MAP3K14: variants seen among roughly 807,000 people sequenced by gnomAD.
MAP3K14 encodes NF-kappa-beta-inducing kinase.
MAP3K14 carries 16 observed loss-of-function variants against 99.2 expected under a neutral mutation model. The observed-to-expected ratio is 0.16, with a 90% confidence interval of 0.11 to 0.24. MAP3K14 has a LOEUF of 0.24. Ranked by LOEUF, MAP3K14 falls within the 10% of genes least tolerant of loss-of-function variation. The probability of loss-of-function intolerance (pLI) is 1.00; values close to 1 mark genes in which losing one functional copy is unlikely to be tolerated. For missense variants in MAP3K14, 784 were observed against 1,208.7 expected (o/e 0.65, Z 5.21); for synonymous variants, 462 against 492.4 (o/e 0.94, Z 0.82).
intron 6 of MAP3K14, among the ~76,000 whole-genome samples, chr17:45,278,691 T>C (rs2044197656): frequency 6.6e-6 from 1 of 151,894 alleles, no homozygotes. Flanking sequence ...TTTTTTTTTT[T>C]TTTTTGAGAC....
intron 1 of MAP3K14, among the ~76,000 whole-genome samples, chr17:45,312,677 G>A (rs763643232): frequency 1.3e-5 from 2 of 152,148 alleles, no homozygotes. Flanking sequence ...AAGTAGCTGG[G>A]ACTAAAGAAA....
chr17:45,289,340 A>T (rs748048138), intron 2 of MAP3K14, 35 bp from the exon 3 acceptor site: 1 of 1,563,104 alleles, frequency 6.4e-7, no homozygotes, highest in East Asian at 2.2e-5. Context: ...CAGAGAGGAG[A>T]AAAAATAGGA....
intron 1 of MAP3K14, among the ~76,000 whole-genome samples, chr17:45,313,559 C>T (rs1011443763): frequency 1.3e-5 from 2 of 152,186 alleles, no homozygotes; most frequent in African/African-American, 2.4e-5. Context: ...GACCTGACAG[C>T]CTCAGCCACC....
chr17:45,284,835 C>T lies in MAP3K14; in HGVS notation c.1267G>A (p.Gly423Ser). 4 of 1,595,564 alleles carry T rather than the reference C, an allele frequency of 2.5e-6. No individual in the cohort carries two copies. The highest frequency in any genetic ancestry group is 3.4e-6 in the Non-Finnish European group (4 of 1,171,420). The change falls in exon 6 of 16, where the codon GGC becomes AGC. Residue 423 changes from glycine to serine, a missense_variant. Around this residue, in one of 5 missense-constraint regions of MAP3K14, gnomAD observed 200 missense variants for 367.9 expected, o/e 0.54. Coordinates refer to ENST00000344686, the MANE Select transcript of MAP3K14 (RefSeq NM_003954.5). ...EVHRMEDKQT[G>S]FQCAVKKVRL... ...ACCTTTTTGACAGCGCACTGGAAGC[C>T]AGTCTGCTTGTCCTCCATCCTGTGC...
chr17:45,309,980 A>G (rs1409444920), intron 1 of MAP3K14, among the ~76,000 whole-genome samples: 3 of 151,626 alleles, frequency 2.0e-5, no homozygotes, highest in Non-Finnish European at 4.4e-5. Context: ...GGCAGGACTC[A>G]AGGAGTCTGG....
intron 1 of MAP3K14, among the ~76,000 whole-genome samples, chr17:45,306,313 C>A (rs549835557): frequency 1.8e-4 from 26 of 148,082 alleles, no homozygotes; most frequent in Non-Finnish European, 3.2e-4. Flanking sequence ...ACTCTTCCTA[C>A]TCCCAAATGA....
intron 1 of MAP3K14, among the ~76,000 whole-genome samples, chr17:45,304,713 C>T (rs1476757755): frequency 6.6e-6 from 1 of 152,128 alleles, no homozygotes; most frequent in Admixed American, 6.5e-5. Flanking sequence ...CAGAAAGACC[C>T]TCAGAGGTAA....
intron 11 of MAP3K14, chr17:45,268,186 T>G (rs1370102074): frequency 6.1e-6 from 1 of 163,910 alleles, no homozygotes; most frequent in Non-Finnish European, 1.3e-5. Context: ...CAGGCACCGT[T>G]TGTTCTGGCA....
chr17:45,268,354 T>C (rs1433777936), intron 11 of MAP3K14: 2 of 152,244 alleles, frequency 1.3e-5, no homozygotes, highest in African/African-American at 2.4e-5. Context: ...TTATGTTTGA[T>C]GTGTCATTTT....
chr17:45,282,815 A>G (rs1219051052), intron 6 of MAP3K14, among the ~76,000 whole-genome samples: 1 of 152,150 alleles, frequency 6.6e-6, no homozygotes, highest in Non-Finnish European at 1.5e-5. Flanking sequence ...TAATCAGGGA[A>G]CTGTTTCTCC....
intron 10 of MAP3K14, 114 bp from the exon 11 acceptor site, chr17:45,270,677 A>G: frequency 7.3e-7 from 1 of 1,362,234 alleles, no homozygotes. Flanking sequence ...GCTGGGGTCT[A>G]CCACAAGGAA....
At chr17:45,269,101 C>T (rs886182978) in intron 11 of MAP3K14, among the ~76,000 whole-genome samples, 1 of 152,162 alleles carries the variant, frequency 6.6e-6, no homozygotes, top group Non-Finnish European at 1.5e-5. Flanking sequence ...ACTGCAGCCT[C>T]GACCTTCCAG....
chr17:45,312,797 A>G (rs1402665475), intron 1 of MAP3K14, among the ~76,000 whole-genome samples: 3 of 152,160 alleles, frequency 2.0e-5, no homozygotes, highest in Non-Finnish European at 4.4e-5. Context: ...TGACAAAGAC[A>G]TCTTTACGAG....
chr17:45,299,005 C>A (rs2044366583), intron 1 of MAP3K14, among the ~76,000 whole-genome samples: 1 of 152,074 alleles, frequency 6.6e-6, no homozygotes, highest in Non-Finnish European at 1.5e-5. Context: ...GAGGGGATGG[C>A]AAAAGGTAAG....
intron 1 of MAP3K14, among the ~76,000 whole-genome samples, chr17:45,296,508 C>T (rs1023722426): frequency 3.3e-5 from 5 of 151,584 alleles, no homozygotes; most frequent in Non-Finnish European, 7.4e-5. Flanking sequence ...AAGACCCCAT[C>T]TCAAAAGGAA....
intron 11 of MAP3K14, among the ~76,000 whole-genome samples, chr17:45,270,124 A>T (rs528272248): frequency 6.6e-6 from 1 of 152,306 alleles, no homozygotes; most frequent in Admixed American, 6.5e-5. Context: ...ATCCCCACAC[A>T]TGTGGTCACA....
intron 1 of MAP3K14, among the ~76,000 whole-genome samples, chr17:45,314,629 A>C (rs2044514465): frequency 6.6e-6 from 1 of 152,194 alleles, no homozygotes. Flanking sequence ...GAAAAAAAAA[A>C]AAACAACCTT....
intron 7 of MAP3K14, 58 bp downstream of exon 7, chr17:45,274,406 A>G (rs1007726584): frequency 1.2e-6 from 2 of 1,605,568 alleles, no homozygotes; most frequent in African/African-American, 2.7e-5. Context: ...CTTGGGCAAG[A>G]CTCAGGGGGG....
At chr17:45,266,472 G>A (rs1202636783) in intron 14 of MAP3K14, 65 bp downstream of exon 14, 13 of 1,523,684 alleles carry the variant, frequency 8.5e-6, no homozygotes, top group Non-Finnish European at 1.1e-5. Flanking sequence ...TCCCTCAATG[G>A]CTGTCTAGCT....
Sources: gnomAD v4.1 joint callset for allele counts (sites outside exome capture counted in the v4.1 genomes callset) on GRCh38, gnomAD v4.1.1 for gene constraint, gnomAD v4.1.1 regional missense constraint, MANE v1.5 for transcripts, NCBI Gene and HGNC (gene_info 2026-07-23, HGNC 2026-07-21) for gene names.